The following LRRTM4 variants were observed in gnomAD, a reference collection of about 807,000 sequenced individuals.
LRRTM4 encodes leucine rich repeat transmembrane neuronal 4.
A neutral mutation model predicts 47.6 loss-of-function variants in LRRTM4; 25 were observed. The ratio of observed to expected loss-of-function variants is 0.53; its 90% CI spans 0.38 to 0.73. The LOEUF is 0.73. LRRTM4 is among the 30% of genes least tolerant of loss of function. LRRTM4 has a pLI of 0.00. For missense variants in LRRTM4, 638 were observed against 713.4 expected, an observed-to-expected ratio of 0.89 and a Z score of 1.20; for synonymous variants, 311 against 269.5, an observed-to-expected ratio of 1.15 and a Z score of -1.51.
intron 3 of LRRTM4, among the ~76,000 whole-genome samples, chr2:77,078,460 A>G (rs1221025541): frequency 1.3e-5 from 2 of 152,166 alleles, no homozygotes; most frequent in Non-Finnish European, 2.9e-5. Context: ...AATTAGCGAT[A>G]AAGTGACAAA....
intron 3 of LRRTM4, among the ~76,000 whole-genome samples, chr2:77,464,396 G>C (rs1676904141): frequency 6.6e-6 from 1 of 151,976 alleles, no homozygotes; most frequent in Non-Finnish European, 1.5e-5. Flanking sequence ...TTTTTAAATA[G>C]TCACATTAAA....
At chr2:77,376,174 G>A (rs1672833088) in intron 3 of LRRTM4, among the ~76,000 whole-genome samples, 1 of 151,528 alleles carries the variant, frequency 6.6e-6, no homozygotes, top group Non-Finnish European at 1.5e-5. Flanking sequence ...AGATTTTCTG[G>A]TTATGAGAAA....
At chr2:76,833,998 G>C (rs918289764) in intron 3 of LRRTM4, among the ~76,000 whole-genome samples, 5 of 148,074 alleles carry the variant, frequency 3.4e-5, no homozygotes, top group African/African-American at 1.2e-4. Context: ...AGTGGAGCAA[G>C]CCCTTGTTTT....
intron 3 of LRRTM4, among the ~76,000 whole-genome samples, chr2:77,502,452 T>C (rs1267977902): frequency 6.6e-6 from 1 of 151,598 alleles, no homozygotes; most frequent in Admixed American, 6.6e-5. Flanking sequence ...ACTTTAGTGA[T>C]ATAAATTTAT....
intron 3 of LRRTM4, among the ~76,000 whole-genome samples, chr2:76,775,791 T>C (rs1476837591): frequency 1.3e-5 from 2 of 152,138 alleles, no homozygotes; most frequent in Admixed American, 1.3e-4. Flanking sequence ...AGTTTTAGGG[T>C]ACATGTGCAT....
intron 3 of LRRTM4, among the ~76,000 whole-genome samples, chr2:76,839,667 T>C (rs991906028): frequency 1.3e-5 from 2 of 152,096 alleles, no homozygotes; most frequent in South Asian, 4.1e-4. Flanking sequence ...TTTTCCCATA[T>C]AGTGAAATAA....
chr2:77,334,205 T>A (rs1371746156), intron 3 of LRRTM4, among the ~76,000 whole-genome samples: 1 of 152,090 alleles, frequency 6.6e-6, no homozygotes, highest in East Asian at 1.9e-4. Context: ...TCAGATGAGA[T>A]GTTGGAATGT....
chr2:76,803,992 C>G (rs1007859182), intron 3 of LRRTM4, among the ~76,000 whole-genome samples: 1 of 152,200 alleles, frequency 6.6e-6, no homozygotes, highest in East Asian at 1.9e-4. Context: ...GTTGTCACAA[C>G]TCATTGCTTG....
chr2:77,028,831 C>G (rs372303777), intron 3 of LRRTM4, among the ~76,000 whole-genome samples: 2 of 151,564 alleles, frequency 1.3e-5, no homozygotes, highest in Non-Finnish European at 2.9e-5. Flanking sequence ...GTCAGGAGAT[C>G]AAGACCATCC....
intron 3 of LRRTM4, among the ~76,000 whole-genome samples, chr2:76,866,913 C>A (rs1045709541): frequency 6.6e-6 from 1 of 152,068 alleles, no homozygotes; most frequent in Non-Finnish European, 1.5e-5. Flanking sequence ...GGTCATGTCC[C>A]TTGCAGGGAC....
At chr2:77,064,279 G>T (rs1329327549) in intron 3 of LRRTM4, among the ~76,000 whole-genome samples, 1 of 152,046 alleles carries the variant, frequency 6.6e-6, no homozygotes, top group East Asian at 1.9e-4. Context: ...ATGATGTGTT[G>T]CAACAGTATG....
rs1484471811 is a variant in LRRTM4, at chr2:76,747,881, T to C, written c.*814A>G. 3 of 152,204 alleles carry C rather than the reference T, an allele frequency of 2.0e-5. No homozygotes were observed. The highest frequency in any genetic ancestry group is 4.4e-5 in the Non-Finnish European group (3 of 68,046). The allele number at this position is 152,204 out of a possible 1,614,324, so 9.4% of individuals were successfully genotyped here. The stretch of plus-strand genomic sequence containing the variant: ...CATGGTCATATCTCTCTTATAGCCT[T>C]AGTCCACATGAGAATGATTCTGCTG... On this transcript the variant is annotated 3_prime_UTR_variant, in exon 4 of 4. Transcript: ENST00000409884.
chr2:77,355,358 T>C (rs939948102), intron 3 of LRRTM4, among the ~76,000 whole-genome samples: 6 of 152,178 alleles, frequency 3.9e-5, no homozygotes, highest in Non-Finnish European at 8.8e-5. Flanking sequence ...TTCCAGTAGT[T>C]TGCTTTCTGT....
At chr2:76,863,544 A>T (rs563185665) in intron 3 of LRRTM4, among the ~76,000 whole-genome samples, 4 of 152,182 alleles carry the variant, frequency 2.6e-5, no homozygotes, top group Admixed American at 6.5e-5. Context: ...TAGGTATAAG[A>T]TACAAATCCT....
chr2:77,052,635 G>C (rs1679477071), intron 3 of LRRTM4, among the ~76,000 whole-genome samples: 1 of 151,822 alleles, frequency 6.6e-6, no homozygotes, highest in African/African-American at 2.4e-5. Context: ...TAATAGGTTA[G>C]AATCTATATA....
At chr2:76,873,803 C>T (rs1437092091) in intron 3 of LRRTM4, among the ~76,000 whole-genome samples, 1 of 151,526 alleles carries the variant, frequency 6.6e-6, no homozygotes, top group Non-Finnish European at 1.5e-5. Context: ...ATTGATATCT[C>T]AATCCTGATG....
chr2:77,089,688 A>C (rs2103880830), intron 3 of LRRTM4, among the ~76,000 whole-genome samples: 1 of 151,786 alleles, frequency 6.6e-6, no homozygotes, highest in Non-Finnish European at 1.5e-5. Context: ...GTGTTCTCAA[A>C]AACTTAAAAC....
At chr2:77,126,328 A>T (rs1322490605) in intron 3 of LRRTM4, among the ~76,000 whole-genome samples, 1 of 152,188 alleles carries the variant, frequency 6.6e-6, no homozygotes, top group Admixed American at 6.5e-5. Context: ...TAAATATGAC[A>T]AATTAATAAA....
At chr2:77,183,988 G>T (rs10172327) in intron 3 of LRRTM4, among the ~76,000 whole-genome samples, 1 of 151,870 alleles carries the variant, frequency 6.6e-6, no homozygotes, top group African/African-American at 2.4e-5. Flanking sequence ...TGCTAAATGA[G>T]GAGTTAATGG....
Sources: gnomAD v4.1 joint callset for allele counts (sites outside exome capture counted in the v4.1 genomes callset) on GRCh38, gnomAD v4.1.1 for gene constraint, MANE v1.5 for transcripts, NCBI Gene and HGNC (gene_info 2026-07-23, HGNC 2026-07-21) for gene names.